UACA: variants seen among roughly 807,000 people sequenced by gnomAD.
UACA encodes the protein uveal autoantigen with coiled-coil domains and ankyrin repeats.
In UACA, 112 loss-of-function variants were observed where a neutral mutation model predicts 160.5. The observed-to-expected ratio is 0.70, with a 90% CI of 0.60 to 0.82. UACA has a LOEUF of 0.82. Among genes scored for constraint, UACA ranks in the 40% least tolerant of loss-of-function variants. UACA has a pLI of 0.00. For synonymous variants in UACA, 557 were observed against 568.4 expected (o/e 0.98, Z 0.29); for missense variants, 1,574 against 1,614.6 (o/e 0.97, Z 0.43).
intron 1 of UACA, among the ~76,000 whole-genome samples, chr15:70,740,062 A>T (rs889909396): frequency 5.9e-5 from 9 of 152,236 alleles, no homozygotes; most frequent in Non-Finnish European, 1.3e-4. Context: ...TTTTTAAGTC[A>T]AAAAGTTAGA....
chr15:70,691,966 C>G (rs1897955038), intron 3 of UACA, among the ~76,000 whole-genome samples: 1 of 152,036 alleles, frequency 6.6e-6, no homozygotes, highest in Non-Finnish European at 1.5e-5. Flanking sequence ...GGAGAGGTTA[C>G]CAGGTAATCT....
chr15:70,692,351 C>T (rs1897969181), intron 3 of UACA, among the ~76,000 whole-genome samples: 1 of 151,876 alleles, frequency 6.6e-6, no homozygotes, highest in South Asian at 2.1e-4. Flanking sequence ...TGTGTAGAGA[C>T]AGGGGCTCAC....
At chr15:70,751,904 AAAGAG>A (rs1297205170) in intron 1 of UACA, among the ~76,000 whole-genome samples, 1 of 152,198 alleles carries the variant, frequency 6.6e-6, no homozygotes, top group East Asian at 1.9e-4. Flanking sequence ...AAAAAAAAAC[AAAGAG>A]AAGAATCATT....
At chr15:70,723,969 AT>A (rs1302144067) in intron 1 of UACA, among the ~76,000 whole-genome samples, 4 of 152,106 alleles carry the variant, frequency 2.6e-5, no homozygotes, top group Non-Finnish European at 5.9e-5. Context: ...GACTCCCCAG[AT>A]TTTGTCAGGC....
intron 1 of UACA, among the ~76,000 whole-genome samples, chr15:70,704,042 G>A (rs1458142780): frequency 1.3e-5 from 2 of 152,150 alleles, no homozygotes; most frequent in Non-Finnish European, 2.9e-5. Context: ...TACATCAGAT[G>A]TTTATCTGTT....
chr15:70,683,526 G>A (rs1406593613), intron 8 of UACA, among the ~76,000 whole-genome samples: 3 of 152,070 alleles, frequency 2.0e-5, no homozygotes, highest in Admixed American at 6.5e-5. Context: ...TTATGCATAA[G>A]GACAGTCATA....
rs180946566 is a variant in UACA at position 70,667,419 on chromosome 15, G to A, written c.3265C>T (p.Leu1089=). 52 of 1,610,604 alleles carry A rather than the reference G, an allele frequency of 3.2e-5. No individual in the cohort carries two copies. The Admixed American group carries it at 8.5e-4, about 26-fold the overall frequency. ...GTCTGTTTGGCATTTTCTTCTACTA[G>A]CTTCTCTTTCACATTCTTTACTTCC... ...YTEVKNVKEK[L]VEENAKQTSE... The change falls in exon 16 of 19, where the codon CTA becomes TTA. Residue 1089 remains leucine, a synonymous_variant. Coordinates refer to ENST00000322954, the MANE Select transcript of UACA (RefSeq NM_018003.4).
chr15:70,727,361 C>T (rs555359432), intron 1 of UACA, among the ~76,000 whole-genome samples: 1 of 152,146 alleles, frequency 6.6e-6, no homozygotes, highest in East Asian at 1.9e-4. Context: ...TAACTTTTTT[C>T]TCATTTTATT....
chr15:70,716,828 TA>T (rs1898835135), intron 1 of UACA, among the ~76,000 whole-genome samples: 1 of 152,196 alleles, frequency 6.6e-6, no homozygotes, highest in Admixed American at 6.5e-5. Context: ...GTTTTATCAA[TA>T]AAAGCTGAAC....
intron 10 of UACA, 104 bp from the exon 11 acceptor site, chr15:70,678,310 T>A: frequency 1.6e-6 from 1 of 624,822 alleles, no homozygotes; most frequent in Admixed American, 3.2e-5. Flanking sequence ...TACATACATA[T>A]GTAAAACACT....
intron 1 of UACA, among the ~76,000 whole-genome samples, chr15:70,743,539 T>C (rs1004285579): frequency 6.6e-6 from 1 of 152,172 alleles, no homozygotes; most frequent in Non-Finnish European, 1.5e-5. Flanking sequence ...TAAGGTCACT[T>C]CCAGTCCTAA....
At chr15:70,707,255 T>C (rs1271051466) in intron 1 of UACA, among the ~76,000 whole-genome samples, 2 of 152,166 alleles carry the variant, frequency 1.3e-5, no homozygotes, top group African/African-American at 4.8e-5. Flanking sequence ...TGGACCTTTA[T>C]CTTACATCAG....
chr15:70,745,306 G>A (rs1296516035), intron 1 of UACA, among the ~76,000 whole-genome samples: 1 of 151,978 alleles, frequency 6.6e-6, no homozygotes, highest in African/African-American at 2.4e-5. Flanking sequence ...GTGGTGGTGG[G>A]CACCTGTAGT....
chr15:70,747,695 G>C (rs1042979123), intron 1 of UACA, among the ~76,000 whole-genome samples: 8 of 152,162 alleles, frequency 5.3e-5, no homozygotes, highest in African/African-American at 1.9e-4. Flanking sequence ...TTAGACCAAA[G>C]TTTTTCAGTA....
intron 1 of UACA, among the ~76,000 whole-genome samples, chr15:70,750,955 G>A (rs891308487): frequency 2.6e-5 from 4 of 152,226 alleles, no homozygotes; most frequent in African/African-American, 9.6e-5. Flanking sequence ...AGTACGTAGA[G>A]ATGGTGGTTA....
At chr15:70,691,267 A>G in intron 4 of UACA, 32 bp downstream of exon 4, 1 of 1,476,744 alleles carries the variant, frequency 6.8e-7, no homozygotes, top group Admixed American at 2.0e-5. Flanking sequence ...TTGTCAAAAT[A>G]ATAAAGCTAA....
chr15:70,665,335 C>T (rs137998029), intron 16 of UACA, among the ~76,000 whole-genome samples: 1 of 152,298 alleles, frequency 6.6e-6, no homozygotes, highest in African/African-American at 2.4e-5. Flanking sequence ...AGAAACATAG[C>T]ATTTTTCCAC....
At chr15:70,691,410 T>A in intron 3 of UACA, 47 bp from the exon 4 acceptor site, 1 of 1,364,880 alleles carries the variant, frequency 7.3e-7, no homozygotes, top group Non-Finnish European at 1.0e-6. Context: ...TCTTCATATG[T>A]AAATTGAGGA....
At chr15:70,744,253 A>G (rs1899630564) in intron 1 of UACA, among the ~76,000 whole-genome samples, 1 of 149,434 alleles carries the variant, frequency 6.7e-6, no homozygotes, top group South Asian at 2.1e-4. Flanking sequence ...TGTCTCAAAA[A>G]AAAAAAAAAA....
Sources: allele counts gnomAD v4.1 joint callset (sites outside exome capture counted in the v4.1 genomes callset), GRCh38; gene constraint gnomAD v4.1.1; transcripts MANE v1.5; gene names NCBI Gene and HGNC (gene_info 2026-07-23, HGNC 2026-07-21).